The following SPAST variants were observed in gnomAD, a reference collection of about 807,000 sequenced individuals.
The protein encoded by SPAST is spastic paraplegia 4 (autosomal dominant; spastin).
In SPAST, 30 loss-of-function variants were observed where a neutral mutation model predicts 76.6. That is an observed-to-expected ratio of 0.39 (90% CI 0.29 to 0.53). The LOEUF (loss-of-function observed/expected upper bound fraction) is 0.53. Among genes scored for constraint, SPAST ranks in the 20% least tolerant of loss-of-function variants. The pLI is 0.68. For synonymous variants in SPAST, 305 were observed against 281.0 expected, an observed-to-expected ratio of 1.09 and a Z score of -0.86; for missense variants, 717 against 770.5, an observed-to-expected ratio of 0.93 and a Z score of 0.82.
At chr2:32,129,328 A>G (rs1408858380) in intron 9 of SPAST, 1 of 151,828 alleles carries the variant, frequency 6.6e-6, no homozygotes, top group Non-Finnish European at 1.5e-5. Context: ...GGCTTAAGCA[A>G]TCCTCCTGCC....
chr2:32,142,685 C>T (rs1168569140), intron 13 of SPAST, among the ~76,000 whole-genome samples: 3 of 152,024 alleles, frequency 2.0e-5, no homozygotes, highest in South Asian at 2.1e-4. Context: ...CATGAGTCAC[C>T]GTGCCCGGCC....
At chr2:32,118,216 GTC>G (rs1311464568) in intron 7 of SPAST, among the ~76,000 whole-genome samples, 1 of 152,166 alleles carries the variant, frequency 6.6e-6, no homozygotes, top group Non-Finnish European at 1.5e-5. Context: ...TTTTATGGCT[GTC>G]TCAATTTTTC....
At chr2:32,079,281 C>G (rs967316112) in intron 1 of SPAST, among the ~76,000 whole-genome samples, 2 of 151,998 alleles carry the variant, frequency 1.3e-5, no homozygotes, top group Non-Finnish European at 2.9e-5. Flanking sequence ...TTTTGGGAGG[C>G]TAAGTGGGAG....
intron 4 of SPAST, among the ~76,000 whole-genome samples, chr2:32,101,904 A>G (rs1678141113): frequency 6.6e-6 from 1 of 152,182 alleles, no homozygotes. Context: ...GAAGTCAGGT[A>G]GCACGATGCC....
At chr2:32,128,651 G>A (rs1392071589) in intron 9 of SPAST, 172 bp downstream of exon 9, 1 of 627,472 alleles carries the variant, frequency 1.6e-6, no homozygotes, top group African/African-American at 1.8e-5. Context: ...ATGTACATTT[G>A]TGTTGTCAAA....
intron 4 of SPAST, among the ~76,000 whole-genome samples, chr2:32,100,097 A>G (rs1187630691): frequency 6.6e-6 from 1 of 152,140 alleles, no homozygotes; most frequent in Non-Finnish European, 1.5e-5. Context: ...ACTCTTCTCC[A>G]TAGTAGCTGT....
chr2:32,144,901 G>A (rs766175836), intron 14 of SPAST, 36 bp from the exon 15 acceptor site: 5 of 1,492,810 alleles, frequency 3.3e-6, no homozygotes, highest in Middle Eastern at 1.7e-4. Context: ...AAGCGGGAGG[G>A]GAAATAATTT....
At chr2:32,087,683 T>C (rs1677542974) in intron 2 of SPAST, 105 bp downstream of exon 2, 3 of 369,580 alleles carry the variant, frequency 8.1e-6, no homozygotes, top group South Asian at 1.1e-4. Context: ...TTCTTTCTTT[T>C]CTTTTCTTTT....
chr2:32,138,629 A>G (rs1209192912), intron 12 of SPAST, among the ~76,000 whole-genome samples: 2 of 152,078 alleles, frequency 1.3e-5, no homozygotes, highest in African/African-American at 4.8e-5. Context: ...TACTCTGTTG[A>G]TGGTTCTTTT....
intron 1 of SPAST, among the ~76,000 whole-genome samples, chr2:32,085,843 A>T (rs1305596088): frequency 6.6e-6 from 1 of 151,528 alleles, no homozygotes; most frequent in Non-Finnish European, 1.5e-5. Context: ...GGAGATCGAG[A>T]CTATCCTGAA....
chr2:32,082,982 T>A (rs971240649), intron 1 of SPAST, among the ~76,000 whole-genome samples: 2 of 152,118 alleles, frequency 1.3e-5, no homozygotes, highest in African/African-American at 2.4e-5. Context: ...TTAATTAATT[T>A]TTTTTTTGAG....
intron 1 of SPAST, among the ~76,000 whole-genome samples, chr2:32,084,925 G>C (rs1463469625): frequency 6.7e-6 from 1 of 149,642 alleles, no homozygotes; most frequent in East Asian, 1.9e-4. Flanking sequence ...AGGAGCATGG[G>C]AATGGGAAGA....
chr2:32,112,153 A>G (rs1418979832), intron 4 of SPAST, among the ~76,000 whole-genome samples: 1 of 151,056 alleles, frequency 6.6e-6, no homozygotes, highest in Non-Finnish European at 1.5e-5. Flanking sequence ...GGGTTTCACC[A>G]TGTTGGCCAG....
chr2:32,104,083 G>A (rs1343562336), intron 4 of SPAST, among the ~76,000 whole-genome samples: 1 of 152,158 alleles, frequency 6.6e-6, no homozygotes, highest in South Asian at 2.1e-4. Context: ...TTGTGTGGGA[G>A]TCTAAGTCTC....
At chr2:32,128,906 G>A (rs1047636946) in intron 9 of SPAST, 1 of 222,156 alleles carries the variant, frequency 4.5e-6, no homozygotes, top group Non-Finnish European at 9.1e-6. Context: ...TCCTATCTCT[G>A]TCTTTATCTT....
At position 32,063,734 on chromosome 2, in the gene SPAST, G is replaced by A. The variant is rs981866985; in HGVS notation, c.-98G>A. ...TCCTGAGACCGGCGGGCACACGGGG[G>A]TCTGTGGCCCCCGCCGTAGCAGTGG... is the stretch of plus-strand genomic sequence containing the variant. On this transcript the variant is annotated 5_prime_UTR_variant, in exon 1 of 17. Coordinates refer to ENST00000315285, the MANE Select transcript of SPAST (RefSeq NM_014946.4). 1.4e-6 allele frequency: 2 copies of A among 1,477,166 alleles called. No homozygotes were observed. Among genetic ancestry groups the A allele is most frequent in the Non-Finnish European group, 1.8e-6 (2 of 1,107,592 alleles). The allele number at this position is 1,477,166 out of a possible 1,614,324, so 91.5% of individuals were successfully genotyped here.
chr2:32,139,825 C>T lies in SPAST; in HGVS notation c.1494-2079C>T, dbSNP rs1001794242. On this transcript the variant is annotated intron_variant, in intron 12 of 16. Coordinates refer to ENST00000315285, the MANE Select transcript of SPAST (RefSeq NM_014946.4). ...GCCTGGGTGTGAAAGAGCAAGAATC[C>T]GTTTCCAAAATTAAAAAAAAAAAAA... Among the ~76,000 whole-genome samples, 6 of 145,366 alleles carry T rather than the reference C, an allele frequency of 4.1e-5. No homozygotes were observed. In the East Asian group the frequency reaches 1.0e-3, roughly 24 times the overall value.
At chr2:32,148,156 C>G (rs1679958011) in intron 16 of SPAST, among the ~76,000 whole-genome samples, 1 of 151,926 alleles carries the variant, frequency 6.6e-6, no homozygotes. Flanking sequence ...TGGTCTCAGA[C>G]TCTTGGCCTC....
At chr2:32,093,490 AACAAACAAACCAAACC>A (rs1677803314) in intron 3 of SPAST, among the ~76,000 whole-genome samples, 1 of 152,102 alleles carries the variant, frequency 6.6e-6, no homozygotes, top group South Asian at 2.1e-4. Context: ...TCAAAACAAA[AACAAACAAACCAAACC>A]ACCTCTTGTC....
Sources: allele counts gnomAD v4.1 joint callset (sites outside exome capture counted in the v4.1 genomes callset), GRCh38; gene constraint gnomAD v4.1.1; transcripts MANE v1.5; gene names NCBI Gene and HGNC (gene_info 2026-07-23, HGNC 2026-07-21).